The following ST6GAL1 variants were observed in gnomAD, a reference collection of about 807,000 sequenced individuals.
ST6GAL1 encodes the protein ST6 beta-galactoside alpha-2,6-sialyltransferase 1.
ST6GAL1 carries 20 observed loss-of-function variants against 38.0 expected under a neutral mutation model. The ratio of observed to expected loss-of-function variants is 0.53; its 90% confidence interval spans 0.37 to 0.77. ST6GAL1 has a LOEUF of 0.77. Among genes scored for constraint, ST6GAL1 ranks in the 30% least tolerant of loss-of-function variants. ST6GAL1 has a pLI of 0.00. For synonymous variants in ST6GAL1, 196 were observed against 188.2 expected (o/e 1.04, Z -0.34); for missense variants, 432 against 496.4 (o/e 0.87, Z 1.23).
intron 2 of ST6GAL1, among the ~76,000 whole-genome samples, chr3:186,969,484 T>C (rs1257029062): frequency 6.6e-6 from 1 of 152,206 alleles, no homozygotes; most frequent in Non-Finnish European, 1.5e-5. Flanking sequence ...TCTGGTGAAA[T>C]GTTTAGATTT....
intron 1 of ST6GAL1, among the ~76,000 whole-genome samples, chr3:186,954,643 T>C (rs1279070995): frequency 1.3e-5 from 2 of 152,238 alleles, no homozygotes; most frequent in African/African-American, 4.8e-5. Flanking sequence ...GAGAAATGTC[T>C]GTTTATGTCC....
intron 5 of ST6GAL1, among the ~76,000 whole-genome samples, chr3:187,065,259 C>T (rs572624081): frequency 6.6e-6 from 1 of 152,276 alleles, no homozygotes; most frequent in South Asian, 2.1e-4. Context: ...CTCAGCCTCC[C>T]AAAGTGCTGG....
At chr3:187,008,475 G>C (rs1579317506) in intron 2 of ST6GAL1, among the ~76,000 whole-genome samples, 1 of 152,010 alleles carries the variant, frequency 6.6e-6, no homozygotes. Flanking sequence ...CCCGTCTTTA[G>C]AATGCTGGAA....
chr3:186,960,005 C>T (rs1714881139), intron 1 of ST6GAL1, among the ~76,000 whole-genome samples: 1 of 152,126 alleles, frequency 6.6e-6, no homozygotes, highest in African/African-American at 2.4e-5. Flanking sequence ...TCTGAGTCAA[C>T]ACAGAGCACT....
chr3:187,006,874 A>G (rs1240527939), intron 2 of ST6GAL1, among the ~76,000 whole-genome samples: 1 of 152,174 alleles, frequency 6.6e-6, no homozygotes, highest in African/African-American at 2.4e-5. Flanking sequence ...TTCTTCCCTA[A>G]TGAGAGGAAG....
intron 2 of ST6GAL1, among the ~76,000 whole-genome samples, chr3:186,993,881 TTATAACAA>T (rs1716268294): frequency 6.6e-6 from 1 of 152,118 alleles, no homozygotes. Flanking sequence ...TAAGCGATAC[TTATAACAA>T]TGATGATAAT....
At chr3:187,067,084 T>TCTTTC (rs1371706215) in intron 5 of ST6GAL1, among the ~76,000 whole-genome samples, 1 of 79,478 alleles carries the variant, frequency 1.3e-5, no homozygotes, top group Non-Finnish European at 2.4e-5. Context: ...TTTCTTTCTT[T>TCTTTC]TTTTTTTTTT....
chr3:186,946,733 T>C (rs1397633133), intron 1 of ST6GAL1, among the ~76,000 whole-genome samples: 1 of 152,226 alleles, frequency 6.6e-6, no homozygotes, highest in Non-Finnish European at 1.5e-5. Flanking sequence ...ATTGACATTT[T>C]ATAAATAATG....
intron 2 of ST6GAL1, among the ~76,000 whole-genome samples, chr3:186,991,100 A>G (rs1366945466): frequency 1.3e-5 from 2 of 151,992 alleles, no homozygotes; most frequent in Non-Finnish European, 2.9e-5. Flanking sequence ...TTCTTTTATG[A>G]TGTGGGAGAG....
At chr3:187,069,035 G>A (rs759434864) in intron 5 of ST6GAL1, among the ~76,000 whole-genome samples, 1 of 152,196 alleles carries the variant, frequency 6.6e-6, no homozygotes, top group Non-Finnish European at 1.5e-5. Flanking sequence ...AGTGGAAGGA[G>A]GACAGTACTT....
intron 1 of ST6GAL1, among the ~76,000 whole-genome samples, chr3:186,937,596 T>C (rs1430580964): frequency 6.6e-6 from 1 of 152,094 alleles, no homozygotes; most frequent in Non-Finnish European, 1.5e-5. Flanking sequence ...GAGCTTAGTT[T>C]TTTAGAAGCT....
chr3:187,065,900 A>T (rs1719094535), intron 5 of ST6GAL1, among the ~76,000 whole-genome samples: 1 of 152,220 alleles, frequency 6.6e-6, no homozygotes, highest in African/African-American at 2.4e-5. Context: ...CCACCATTTT[A>T]CCTCAGAACT....
chr3:186,954,944 T>C (rs1714698427), intron 1 of ST6GAL1, among the ~76,000 whole-genome samples: 1 of 152,228 alleles, frequency 6.6e-6, no homozygotes, highest in Admixed American at 6.5e-5. Flanking sequence ...CATTTTCTTC[T>C]AGGGTTTTTA....
intron 2 of ST6GAL1, among the ~76,000 whole-genome samples, chr3:187,019,678 G>A (rs1234055597): frequency 2.0e-5 from 3 of 152,198 alleles, no homozygotes; most frequent in African/African-American, 4.8e-5. Flanking sequence ...AGAAATGGGA[G>A]TCCTTCATGG....
chr3:187,046,602 A>G (rs1009779859), intron 4 of ST6GAL1, among the ~76,000 whole-genome samples: 23 of 152,306 alleles, frequency 1.5e-4, no homozygotes, highest in African/African-American at 5.5e-4. Context: ...TGCACCATAC[A>G]ATGGAAGGCA....
intron 2 of ST6GAL1, among the ~76,000 whole-genome samples, chr3:187,036,125 A>G (rs1717923611): frequency 6.6e-6 from 1 of 152,190 alleles, no homozygotes; most frequent in Admixed American, 6.5e-5. Flanking sequence ...CAAAAGATGC[A>G]TATAAGCTGC....
At chr3:187,060,998 A>C (rs1579372809) in intron 5 of ST6GAL1, among the ~76,000 whole-genome samples, 1 of 152,240 alleles carries the variant, frequency 6.6e-6, no homozygotes, top group East Asian at 1.9e-4. Flanking sequence ...ATATTGAATA[A>C]ATAAGCAAAT....
rs894365523 is a variant in ST6GAL1 at position 186,952,315 on chromosome 3, A to T, written c.-324-11470A>T. On this transcript the variant is annotated intron_variant, in intron 1 of 7. Coordinates refer to ENST00000169298, the MANE Select transcript of ST6GAL1 (RefSeq NM_173216.2). The surrounding 1 kb of genome is among the most constrained non-coding windows in gnomAD (Gnocchi z 4.1). Reference sequence around the variant, plus strand: ...AGGCTCACCAGTATCCTCTCTTGCCAAATCCAGTGGTCAGATCTCAGTCCC... The same window carrying T: ...AGGCTCACCAGTATCCTCTCTTGCCTAATCCAGTGGTCAGATCTCAGTCCC... Among the ~76,000 whole-genome samples the T allele has an allele frequency of 6.6e-6, 1 of 152,118 alleles. No individual in the cohort carries two copies. The highest frequency in any genetic ancestry group is 2.4e-5 in the African/African-American group (1 of 41,406).
At chr3:187,032,180 C>A (rs1296548265) in intron 2 of ST6GAL1, among the ~76,000 whole-genome samples, 1 of 152,056 alleles carries the variant, frequency 6.6e-6, no homozygotes, top group Admixed American at 6.5e-5. Context: ...TTTTGAAAAT[C>A]AAAAATGGAG....
Sources: gnomAD v4.1 joint callset for allele counts (sites outside exome capture counted in the v4.1 genomes callset) on GRCh38, gnomAD v4.1.1 for gene constraint, Gnocchi (gnomAD v3.1) non-coding constraint, MANE v1.5 for transcripts, NCBI Gene and HGNC (gene_info 2026-07-23, HGNC 2026-07-21) for gene names.